NELFCD: variants seen among roughly 807,000 people sequenced by gnomAD.
NELFCD encodes negative elongation factor C/D.
NELFCD carries 48 observed loss-of-function variants against 72.9 expected under a neutral mutation model. That is an observed-to-expected ratio of 0.66 (90% confidence interval 0.52 to 0.84). NELFCD has a LOEUF of 0.84. NELFCD is among the 40% of genes least tolerant of loss of function. NELFCD has a pLI of 0.00. For missense variants in NELFCD, 538 were observed against 723.8 expected (o/e 0.74, Z 2.94); for synonymous variants, 297 against 280.6 (o/e 1.06, Z -0.59).
chr20:58,991,133 G>A, intron 8 of NELFCD, 58 bp downstream of exon 8: 1 of 1,587,544 alleles, frequency 6.3e-7, no homozygotes, highest in Non-Finnish European at 8.6e-7. Flanking sequence ...TGGAAAGTCT[G>A]TGCTTGTCTG....
rs148513771 is a variant in NELFCD, at chr20:58,987,715, G to A, written c.294G>A (p.Glu98=). ...GCTTTTATTCTCTTTCAGGTGTTGA[G>A]CCAGTGCAGGTTCAGGAAACTGTGG... ...LAEWLIQTGV[E]PVQVQETVEN... The change falls in exon 4 of 15, where the codon GAG becomes GAA. Residue 98 remains glutamate (E), a synonymous_variant. Coordinates refer to ENST00000652272, the MANE Select transcript of NELFCD (RefSeq NM_198976.4). The A allele has an allele frequency of 5.6e-6, 9 of 1,613,842 alleles. No homozygotes were observed. Among genetic ancestry groups the A allele is most frequent in the Non-Finnish European group, 7.6e-6 (9 of 1,179,826 alleles).
intron 7 of NELFCD, 76 bp from the exon 8 acceptor site, chr20:58,990,834 G>A: frequency 7.7e-7 from 1 of 1,302,546 alleles, no homozygotes; most frequent in Non-Finnish European, 1.1e-6. Flanking sequence ...ACAATGCAAA[G>A]TATTATATGT....
At position 58,989,661 on chromosome 20, in the gene NELFCD, C is replaced by T. The variant is rs1193360463; in HGVS notation, c.657+21C>T. On this transcript the variant is annotated intron_variant, in intron 6 of 14. Transcript: ENST00000652272. ...TTGCCGTAAGTTCTTTCTTTATGAA[C>T]CTCAGATTAGAAGGAGGCTGCTTTG... is the stretch of plus-strand genomic sequence containing the variant. The T allele has an allele frequency of 5.0e-6, 8 of 1,613,966 alleles. No individual in the cohort carries two copies. The African/African-American group carries it at 1.1e-4, about 22-fold the overall frequency.
Position 58,981,369 on chromosome 20 carries a change from G to T in NELFCD, c.60G>T (p.Gln20His). The T allele has an allele frequency of 9.1e-7, 1 of 1,096,080 alleles. No individual in the cohort carries two copies. The highest frequency in any genetic ancestry group is 1.1e-6 in the Non-Finnish European group (1 of 896,866). The allele number at this position is 1,096,080 out of a possible 1,614,324, so 67.9% of individuals were successfully genotyped here. The change falls in exon 1 of 15, where the codon CAG becomes CAT. Residue 20 changes from glutamine (Q) to histidine (H), a missense_variant and splice_region_variant. Gln to His is a conservative substitution (Grantham distance 24). Coordinates refer to ENST00000652272, the MANE Select transcript of NELFCD (RefSeq NM_198976.4). ...AEWGDEADGGQQEDDSGEGED... is the reference protein window; with the variant it reads ...AEWGDEADGGHQEDDSGEGED... ...GGGGCGACGAGGCTGACGGCGGCCA[G>T]GTGAGGCGGGGCACTGGGCGCACCC... is the stretch of plus-strand genomic sequence containing the variant.
intron 7 of NELFCD, 79 bp from the exon 8 acceptor site, chr20:58,990,831 A>C: frequency 7.9e-7 from 1 of 1,263,094 alleles, no homozygotes; most frequent in Non-Finnish European, 1.1e-6. Context: ...CCAACAATGC[A>C]AAGTATTATA....
Position 58,994,098 on chromosome 20 carries a change from T to C in NELFCD, c.1582-12T>C. 1 of 1,613,712 alleles carries C rather than the reference T, an allele frequency of 6.2e-7. No homozygotes were observed. Among genetic ancestry groups the C allele is most frequent in the Non-Finnish European group, 8.5e-7 (1 of 1,179,768 alleles). On this transcript the variant is annotated splice_polypyrimidine_tract_variant and intron_variant, in intron 13 of 14. Coordinates refer to ENST00000652272, the MANE Select transcript of NELFCD (RefSeq NM_198976.4). Reference sequence around the variant, plus strand: ...GTGTGCGGAAGAAGTCACCCTGTGCTCCCCCACGCAGGTGCTGGACGTCAT... The same window carrying C: ...GTGTGCGGAAGAAGTCACCCTGTGCCCCCCCACGCAGGTGCTGGACGTCAT...
chr20:58,992,008 A>G lies in NELFCD; in HGVS notation c.1217A>G (p.Tyr406Cys). ...SELVAELSTL[Y>C]QCIRFPVVAM... ...CTAGTGGCAGAATTGAGCACACTTT[A>G]TCAGTGTATTAGGTAAGCAAAACGA... Residue 406 changes from tyrosine to cysteine, a missense_variant, in exon 10 of 15, where the codon TAT becomes TGT. Tyr to Cys is a radical substitution (Grantham distance 194). Around this residue, in one of 3 missense-constraint regions of NELFCD, gnomAD observed 355 missense variants for 534.5 expected, o/e 0.66. Transcript: ENST00000652272. 1.2e-6 allele frequency: 2 copies of G among 1,614,166 alleles called. No individual in the cohort carries two copies. The highest frequency in any genetic ancestry group is 1.7e-6 in the Non-Finnish European group (2 of 1,180,004).
chr20:58,992,893 A>G, intron 10 of NELFCD, 105 bp from the exon 11 acceptor site: 1 of 788,044 alleles, frequency 1.3e-6, no homozygotes, highest in South Asian at 1.6e-5. Flanking sequence ...TGAAGGGTGA[A>G]TGATGGAGTC....
chr20:58,981,677 G>A (rs1436445944), intron 1 of NELFCD, among the ~76,000 whole-genome samples: 2 of 151,678 alleles, frequency 1.3e-5, no homozygotes, highest in East Asian at 3.9e-4. Flanking sequence ...CTCCGGCCAG[G>A]CCCGGCGCCG....
chr20:58,982,707 G>A (rs1222104379), intron 1 of NELFCD, among the ~76,000 whole-genome samples: 1 of 152,198 alleles, frequency 6.6e-6, no homozygotes, highest in Non-Finnish European at 1.5e-5. Context: ...AGGTTCTGAA[G>A]ATCCTTGGAG....
rs140786664 is a variant in NELFCD, at chr20:58,991,325, C to G, written c.968C>G (p.Ala323Gly). ...GCTTCTCCTCAGATCCGCGTTCCAGCCTTCCTGGACCTGTTCATGCAGTCA... is the reference window on the plus strand; with the variant it reads ...GCTTCTCCTCAGATCCGCGTTCCAGGCTTCCTGGACCTGTTCATGCAGTCA... ...PPPVELIRVP[A>G]FLDLFMQSLF... is the part of the protein sequence containing the mutation. Residue 323 changes from alanine to glycine, a missense_variant, in exon 9 of 15, where the codon GCC (alanine) becomes GGC (glycine). By Grantham distance (60) the Ala-to-Gly change is moderately conservative. Coordinates refer to ENST00000652272, the MANE Select transcript of NELFCD (RefSeq NM_198976.4). The G allele has an allele frequency of 6.2e-7, 1 of 1,614,194 alleles. No homozygotes were observed. Among genetic ancestry groups the G allele is most frequent in the East Asian group, 2.2e-5 (1 of 44,888 alleles).
At chr20:58,981,652 C>T (rs1328474944) in intron 1 of NELFCD, among the ~76,000 whole-genome samples, 4 of 151,412 alleles carry the variant, frequency 2.6e-5, no homozygotes, top group Non-Finnish European at 4.4e-5. Flanking sequence ...GCCCGAGGCC[C>T]CCAGTACCCC....
At chr20:58,981,791 C>G (rs1004306495) in intron 1 of NELFCD, among the ~76,000 whole-genome samples, 1 of 152,222 alleles carries the variant, frequency 6.6e-6, no homozygotes, top group Non-Finnish European at 1.5e-5. Flanking sequence ...AACTTCACAG[C>G]AGCATCATGA....
In NELFCD at chr20:58,981,340, G is replaced by T. The variant is rs1404765359; in HGVS notation, c.31G>T (p.Glu11Ter). The stretch of plus-strand genomic sequence containing the variant: ...CGAGGACTACTACGGGAGCGCGGCC[G>T]AGTGGGGCGACGAGGCTGACGGCGG... The part of the protein sequence containing the change: MDEDYYGSAA[E>*]WGDEADGGQQ... Residue 11 changes from glutamate to a stop codon, truncating the protein, a stop_gained, in exon 1 of 15, where the codon GAG becomes TAG. Transcript: ENST00000652272. LOFTEE classifies it high-confidence loss of function. The T allele has an allele frequency of 9.0e-7, 1 of 1,110,184 alleles. No homozygotes were observed. Among genetic ancestry groups the T allele is most frequent in the Admixed American group, 4.0e-5 (1 of 25,002 alleles). The allele number at this position is 1,110,184 out of a possible 1,614,324, so 68.8% of individuals were successfully genotyped here.
At chr20:58,987,142 A>G (rs1027642899) in intron 3 of NELFCD, 1 of 405,628 alleles carries the variant, frequency 2.5e-6, no homozygotes, top group Non-Finnish European at 4.4e-6. Flanking sequence ...TTATAGGATT[A>G]TACAGTGTGT....
rs1430173621 is a variant in NELFCD, at chr20:58,986,562, T to TGA, written c.177-191_177-190dup. ...CTCCTTACGTTGCCCTGGCTGCTCT[T>TGA]GAACTCCTAGGCTCAAGTGATTCTC... On this transcript the variant is annotated intron_variant, in intron 2 of 14. Coordinates refer to ENST00000652272, the MANE Select transcript of NELFCD (RefSeq NM_198976.4). The surrounding 1 kb of genome is among the most constrained non-coding windows in gnomAD (Gnocchi z 4.4). 1.6e-6 allele frequency: 1 copy of TGA among 606,190 alleles called. No homozygotes were observed. Among genetic ancestry groups the TGA allele is most frequent in the Non-Finnish European group, 2.9e-6 (1 of 344,912 alleles). The allele number at this position is 606,190 out of a possible 1,614,324, so 37.6% of individuals were successfully genotyped here.
chr20:58,989,223 A>G, intron 5 of NELFCD: 1 of 618,784 alleles, frequency 1.6e-6, no homozygotes, highest in Non-Finnish European at 2.8e-6. Context: ...TTTAGGATTT[A>G]GCAGGGATAC....
rs529424012 is a variant in NELFCD at position 58,994,926 on chromosome 20, G to A, written c.*250G>A. 30 of 503,844 alleles carry A rather than the reference G, an allele frequency of 6.0e-5. 1 individual carries two copies. Among genetic ancestry groups the A allele is most frequent in the African/African-American group, 5.8e-4 (30 of 51,324 alleles). 31.2% of individuals were successfully genotyped at this position (503,844 alleles called of 1,614,324 possible). On this transcript the variant is annotated 3_prime_UTR_variant, in exon 15 of 15. Coordinates refer to ENST00000652272, the MANE Select transcript of NELFCD (RefSeq NM_198976.4). ...GTTTTCAGTGTTCATTTCCCTCAAG[G>A]CAGGCGCTGGGCTCCCACGACCCCT... is the stretch of plus-strand genomic sequence containing the variant.
rs1569060146 is a variant in NELFCD, at chr20:58,993,377, A to G, written c.1345-72A>G. The stretch of plus-strand genomic sequence containing the variant: ...AGTGATAAGCTCTTTGGTGGCTGTG[A>G]CAGTGCCCAGTTTCTCTGTGTGCTG... On this transcript the variant is annotated intron_variant, in intron 11 of 14. Coordinates refer to ENST00000652272, the MANE Select transcript of NELFCD (RefSeq NM_198976.4). The surrounding 1 kb of genome is among the most constrained non-coding windows in gnomAD (Gnocchi z 5.0). The G allele has an allele frequency of 9.1e-6, 13 of 1,434,452 alleles. No homozygotes were observed. Among genetic ancestry groups the G allele is most frequent in the Non-Finnish European group, 1.3e-5 (13 of 1,031,720 alleles). 88.9% of individuals were successfully genotyped at this position (1,434,452 alleles called of 1,614,324 possible).
Sources: allele counts gnomAD v4.1 joint callset (sites outside exome capture counted in the v4.1 genomes callset), GRCh38; gene constraint gnomAD v4.1.1; regional missense constraint gnomAD v4.1.1; non-coding constraint Gnocchi (gnomAD v3.1); transcripts MANE v1.5; gene names NCBI Gene and HGNC (gene_info 2026-07-23, HGNC 2026-07-21).